GRM5: variants seen among roughly 807,000 people sequenced by gnomAD.
GRM5 encodes glutamate metabotropic receptor 5.
Under a neutral mutation model 83.1 loss-of-function variants are expected in GRM5, and 19 were observed. The observed-to-expected ratio is 0.23, with a 90% confidence interval of 0.16 to 0.34. GRM5 has a LOEUF of 0.34. GRM5 is among the 10% of genes least tolerant of loss of function. GRM5 has a pLI of 1.00. For missense variants in GRM5, 1,160 were observed against 1,588.3 expected (o/e 0.73, Z 4.58); for synonymous variants, 675 against 633.6 (o/e 1.07, Z -0.98).
chr11:88,811,844 T>C (rs1429067639), intron 3 of GRM5, among the ~76,000 whole-genome samples: 3 of 152,076 alleles, frequency 2.0e-5, no homozygotes, highest in African/African-American at 4.8e-5. Flanking sequence ...AGGGGTACCA[T>C]GCGCCAACTT....
intron 2 of GRM5, among the ~76,000 whole-genome samples, chr11:88,995,381 C>G (rs1940148612): frequency 6.6e-6 from 1 of 151,524 alleles, no homozygotes; most frequent in Non-Finnish European, 1.5e-5. Context: ...CCCATCTCTA[C>G]TAAAATACAA....
chr11:88,954,310 C>A (rs1938544573), intron 2 of GRM5, among the ~76,000 whole-genome samples: 1 of 151,890 alleles, frequency 6.6e-6, no homozygotes, highest in Non-Finnish European at 1.5e-5. Context: ...ACCTCATGAG[C>A]CCTCCAAAAA....
At chr11:88,846,960 C>T (rs892094261) in intron 3 of GRM5, among the ~76,000 whole-genome samples, 3 of 152,006 alleles carry the variant, frequency 2.0e-5, no homozygotes, top group South Asian at 2.1e-4. Flanking sequence ...TAATAACTTC[C>T]CCTCTGTTTC....
At chr11:88,993,653 C>T (rs1940071651) in intron 2 of GRM5, among the ~76,000 whole-genome samples, 1 of 152,096 alleles carries the variant, frequency 6.6e-6, no homozygotes, top group African/African-American at 2.4e-5. Flanking sequence ...CCTAAAGACC[C>T]CACTGAAAAG....
At chr11:88,647,182 G>A (rs535775953) in intron 4 of GRM5, among the ~76,000 whole-genome samples, 34 of 151,986 alleles carry the variant, frequency 2.2e-4, no homozygotes, top group African/African-American at 6.8e-4. Context: ...CTATCATACC[G>A]AATTAGGGGC....
chr11:88,738,007 G>T (rs1941955225), intron 3 of GRM5, among the ~76,000 whole-genome samples: 1 of 151,894 alleles, frequency 6.6e-6, no homozygotes, highest in Non-Finnish European at 1.5e-5. Context: ...AATAAAGACA[G>T]TTGTGAAATT....
chr11:88,847,303 T>C (rs7927169), intron 3 of GRM5, among the ~76,000 whole-genome samples: 43,023 of 152,094 alleles, frequency 0.28, 6,967 homozygotes, highest in Non-Finnish European at 0.37. Context: ...ATTATTGTTT[T>C]TTTGCTCATT....
chr11:88,841,823 A>T (rs1045961659), intron 3 of GRM5, among the ~76,000 whole-genome samples: 1 of 144,384 alleles, frequency 6.9e-6, no homozygotes. Context: ...AAGACATGAT[A>T]AAAAAATGTG....
intron 2 of GRM5, among the ~76,000 whole-genome samples, chr11:89,038,587 G>T (rs753796307): frequency 3.9e-5 from 6 of 152,134 alleles, no homozygotes; most frequent in Non-Finnish European, 7.3e-5. Context: ...GTTACCACAG[G>T]CCTCCTCCTT....
At chr11:88,531,350 G>C (rs1048227818) in intron 8 of GRM5, among the ~76,000 whole-genome samples, 5 of 152,134 alleles carry the variant, frequency 3.3e-5, no homozygotes, top group African/African-American at 1.2e-4. Context: ...CATTAAATAG[G>C]AATTATAGAC....
chr11:88,577,062 C>A (rs1209591439), intron 7 of GRM5, among the ~76,000 whole-genome samples: 1 of 152,098 alleles, frequency 6.6e-6, no homozygotes, highest in Non-Finnish European at 1.5e-5. Context: ...TGCAACCACT[C>A]TCCAGGCCCC....
chr11:88,637,839 T>G (rs1440484046), intron 4 of GRM5, among the ~76,000 whole-genome samples: 2 of 148,940 alleles, frequency 1.3e-5, no homozygotes, highest in African/African-American at 4.9e-5. Flanking sequence ...CATGCTGCTA[T>G]AAAGACACAT....
chr11:88,900,997 G>T (rs567981169), intron 2 of GRM5, among the ~76,000 whole-genome samples: 1 of 152,262 alleles, frequency 6.6e-6, no homozygotes, highest in East Asian at 1.9e-4. Flanking sequence ...TAAAGGTAAA[G>T]CAGGTCCATG....
At chr11:88,816,586 AC>A (rs1051523229) in intron 3 of GRM5, among the ~76,000 whole-genome samples, 3 of 151,176 alleles carry the variant, frequency 2.0e-5, no homozygotes, top group African/African-American at 7.2e-5. Context: ...TGGAAACAGA[AC>A]AAATGAAGAT....
intron 7 of GRM5, among the ~76,000 whole-genome samples, chr11:88,585,314 G>A (rs545394813): frequency 1.2e-4 from 18 of 152,102 alleles, no homozygotes; most frequent in African/African-American, 4.1e-4. Flanking sequence ...TAGTTACAGG[G>A]GCCCCAGCCA....
intron 2 of GRM5, among the ~76,000 whole-genome samples, chr11:88,875,394 C>T (rs1374383086): frequency 2.0e-5 from 3 of 151,948 alleles, no homozygotes; most frequent in African/African-American, 4.8e-5. Flanking sequence ...CTCTGGTTCT[C>T]TTACTCTTCT....
intron 2 of GRM5, among the ~76,000 whole-genome samples, chr11:88,956,443 C>T (rs1183818199): frequency 2.0e-5 from 3 of 152,228 alleles, no homozygotes; most frequent in Non-Finnish European, 4.4e-5. Flanking sequence ...AGATTGAATA[C>T]AAATATTACA....
intron 3 of GRM5, among the ~76,000 whole-genome samples, chr11:88,826,666 G>A (rs1430632520): frequency 6.6e-6 from 1 of 151,952 alleles, no homozygotes; most frequent in East Asian, 1.9e-4. Flanking sequence ...CCCATAAAAA[G>A]CATTTTGTAA....
intron 2 of GRM5, among the ~76,000 whole-genome samples, chr11:88,858,080 C>G (rs555485018): frequency 6.6e-6 from 1 of 152,168 alleles, no homozygotes; most frequent in East Asian, 1.9e-4. Context: ...GCCCTGGAGT[C>G]TTTCTATAAC....
Sources: gnomAD v4.1 joint callset for allele counts (sites outside exome capture counted in the v4.1 genomes callset) on GRCh38, gnomAD v4.1.1 for gene constraint, MANE v1.5 for transcripts, NCBI Gene and HGNC (gene_info 2026-07-23, HGNC 2026-07-21) for gene names.